The following SLC20A1 variants were observed in gnomAD, a reference collection of about 807,000 sequenced individuals.
SLC20A1 encodes the protein solute carrier family 20 member 1.
In SLC20A1, 28 loss-of-function variants were observed where a neutral mutation model predicts 62.7. The observed-to-expected ratio is 0.45, with a 90% confidence interval of 0.33 to 0.61. The LOEUF is 0.61. SLC20A1 is among the 20% of genes least tolerant of loss of function. The probability of loss-of-function intolerance (pLI) is 0.02; values close to 1 mark genes in which losing one functional copy is unlikely to be tolerated. For missense variants in SLC20A1, 673 were observed against 838.6 expected (o/e 0.80, Z 2.44); for synonymous variants, 305 against 302.9 (o/e 1.01, Z -0.07).
Position 112,646,936 on chromosome 2 carries a change from A to G in SLC20A1, c.108A>G (p.Ala36=). The change falls in exon 2 of 11, where the codon GCA becomes GCG. Residue 36 remains alanine (A), a synonymous_variant. Transcript: ENST00000272542. ...GCTTCATTATTGCATTTGTCTTGGC[A>G]TTCTCCGTGGGAGCCAATGATGTAG... ...ILGFIIAFVL[A]FSVGANDVAN... 6.2e-7 allele frequency: 1 copy of G among 1,613,388 alleles called. No homozygotes were observed. Among genetic ancestry groups the G allele is most frequent in the East Asian group, 2.2e-5 (1 of 44,858 alleles).
At chr2:112,657,409 A>G (rs3827758) in intron 6 of SLC20A1, among the ~76,000 whole-genome samples, 168 bp downstream of exon 6, 65,030 of 152,088 alleles carry the variant, frequency 0.43, 16,827 homozygotes, top group Non-Finnish European at 0.57. Flanking sequence ...ATGGACTTAC[A>G]TGACCTAAGA....
At chr2:112,658,612 C>G in intron 6 of SLC20A1, 2 of 489,784 alleles carry the variant, frequency 4.1e-6, no homozygotes, top group South Asian at 7.5e-5. Context: ...ATTTTGGGAC[C>G]CCTGACATAG....
At chr2:112,660,288 C>T in intron 8 of SLC20A1, 99 bp from the exon 9 acceptor site, 1 of 1,042,200 alleles carries the variant, frequency 9.6e-7, no homozygotes, top group East Asian at 2.4e-5. Context: ...AGCTTGAAAG[C>T]TGTACTTTAG....
Position 112,646,735 on chromosome 2 carries a change from T to C in SLC20A1, c.-94T>C. 1.7e-6 allele frequency: 1 copy of C among 594,682 alleles called. No individual in the cohort carries two copies. Among genetic ancestry groups the C allele is most frequent in the Non-Finnish European group, 2.7e-6 (1 of 371,358 alleles). 36.8% of individuals were successfully genotyped at this position (594,682 alleles called of 1,614,324 possible). The stretch of plus-strand genomic sequence containing the variant: ...GTATTTAATTTTATATAATATATAT[T>C]ATTTATTATAGCATTTTTGATACCT... On this transcript the variant is annotated 5_prime_UTR_variant, in exon 2 of 11. Coordinates refer to ENST00000272542, the MANE Select transcript of SLC20A1 (RefSeq NM_005415.5).
At chr2:112,654,032 T>G (rs1686518246) in intron 5 of SLC20A1, among the ~76,000 whole-genome samples, 1 of 152,156 alleles carries the variant, frequency 6.6e-6, no homozygotes, top group African/African-American at 2.4e-5. Flanking sequence ...CCTCAGGTGG[T>G]CCGCCTGCCT....
intron 10 of SLC20A1, 81 bp from the exon 11 acceptor site, chr2:112,662,783 T>TC (rs908315244): frequency 2.1e-6 from 3 of 1,449,810 alleles, no homozygotes; most frequent in Non-Finnish European, 2.8e-6. Context: ...GGGCTCCTTG[T>TC]CCAAACAGTC....
chr2:112,661,138 G>C lies in SLC20A1; in HGVS notation c.1794-4G>C. ...TCCTGACAAGAATCCTTTTGTGTCT[G>C]TAGTGGCTTCAGTATTGAACTGGCA... On this transcript the variant is annotated splice_region_variant and splice_polypyrimidine_tract_variant and intron_variant, in intron 9 of 10. Transcript: ENST00000272542. 1 of 1,612,926 alleles carries C rather than the reference G, an allele frequency of 6.2e-7. No homozygotes were observed. The highest frequency in any genetic ancestry group is 8.5e-7 in the Non-Finnish European group (1 of 1,178,958).
intron 6 of SLC20A1, among the ~76,000 whole-genome samples, chr2:112,657,729 A>G (rs1205225187): frequency 6.6e-6 from 1 of 152,260 alleles, no homozygotes. Flanking sequence ...ATAGGCTAGA[A>G]TACATGTAGA....
chr2:112,657,230 G>C lies in SLC20A1; in HGVS notation c.767G>C (p.Arg256Thr), dbSNP rs1418630397. ...TTCTTTGTATGTCCCAGGATGAAGA[G>C]AAAAATTGAACGTAAGTAATAACTA... is the stretch of plus-strand genomic sequence containing the variant. ...VWFFVCPRMKRKIEREIKCSP... is the reference protein window; with the variant it reads ...VWFFVCPRMKTKIEREIKCSP... The change falls in exon 6 of 11, where the codon AGA (arginine) becomes ACA (threonine). Residue 256 changes from arginine to threonine, a missense_variant. Transcript: ENST00000272542. 1 of 1,612,910 alleles carries C rather than the reference G, an allele frequency of 6.2e-7. No homozygotes were observed. Among genetic ancestry groups the C allele is most frequent in the Admixed American group, 1.7e-5 (1 of 59,790 alleles).
At chr2:112,662,469 A>G (rs1195184643) in intron 10 of SLC20A1, among the ~76,000 whole-genome samples, 7 of 8,196 alleles carry the variant, frequency 8.5e-4, no homozygotes, top group Non-Finnish European at 2.2e-3. Flanking sequence ...TAATCCCAGC[A>G]CTTGGGAGGC....
Position 112,663,083 on chromosome 2 carries a change from C to A in SLC20A1, c.*58C>A. ...TGGGACCATCTTAGGTATTCCTGCT[C>A]CCCTGAAGAATGATTACAGTGTTAA... On this transcript the variant is annotated 3_prime_UTR_variant, in exon 11 of 11. Coordinates refer to ENST00000272542, the MANE Select transcript of SLC20A1 (RefSeq NM_005415.5). 1 of 1,568,318 alleles carries A rather than the reference C, an allele frequency of 6.4e-7. No individual in the cohort carries two copies. The highest frequency in any genetic ancestry group is 1.1e-5 in the South Asian group (1 of 89,566).
At chr2:112,654,629 G>A (rs2104645836) in intron 5 of SLC20A1, among the ~76,000 whole-genome samples, 1 of 152,244 alleles carries the variant, frequency 6.6e-6, no homozygotes, top group Non-Finnish European at 1.5e-5. Flanking sequence ...GGGCGCGGTG[G>A]CTCATGCTTG....
At chr2:112,647,595 G>A in intron 3 of SLC20A1, 58 bp from the exon 4 acceptor site, 2 of 1,583,676 alleles carry the variant, frequency 1.3e-6, no homozygotes, top group Non-Finnish European at 1.7e-6. Context: ...CATTTAAAGT[G>A]GTTTTTGGTT....
At chr2:112,651,299 C>G (rs988406151) in intron 4 of SLC20A1, among the ~76,000 whole-genome samples, 2 of 152,118 alleles carry the variant, frequency 1.3e-5, no homozygotes, top group African/African-American at 4.8e-5. Flanking sequence ...TTTTCCTCCC[C>G]AAGATTTTCC....
At position 112,657,242 on chromosome 2, in the gene SLC20A1, G is replaced by A. The variant is rs757848416; in HGVS notation, c.778+1G>A. 1.2e-6 allele frequency: 2 copies of A among 1,612,452 alleles called. No homozygotes were observed. Among genetic ancestry groups the A allele is most frequent in the Non-Finnish European group, 1.7e-6 (2 of 1,179,470 alleles). ...CCCAGGATGAAGAGAAAAATTGAAC[G>A]TAAGTAATAACTAAACAGCAGAAAA... On this transcript the variant is annotated splice_donor_variant, in intron 6 of 10. Transcript: ENST00000272542. LOFTEE classifies it high-confidence loss of function.
intron 10 of SLC20A1, 73 bp downstream of exon 10, chr2:112,661,299 A>G: frequency 8.5e-7 from 1 of 1,175,208 alleles, no homozygotes; most frequent in Non-Finnish European, 1.3e-6. Context: ...TACTTCTCTG[A>G]TACTTTGATT....
At position 112,660,352 on chromosome 2, in the gene SLC20A1, T is replaced by A. The variant is rs775112422; in HGVS notation, c.1608-35T>A. ...GGTCTTGCCAAGATCTAGTTCTGCCTGAAAAGTCACTTCTGCCCTCTTTGT... is the reference window on the plus strand; with the variant it reads ...GGTCTTGCCAAGATCTAGTTCTGCCAGAAAAGTCACTTCTGCCCTCTTTGT... On this transcript the variant is annotated intron_variant, in intron 8 of 10. Transcript: ENST00000272542. 10 of 1,597,398 alleles carry A rather than the reference T, an allele frequency of 6.3e-6. No individual in the cohort carries two copies. In the Admixed American group the frequency reaches 1.7e-4, roughly 27 times the overall value.
intron 4 of SLC20A1, 32 bp downstream of exon 4, chr2:112,647,770 A>G (rs911407009): frequency 1.3e-6 from 2 of 1,521,690 alleles, no homozygotes; most frequent in South Asian, 1.1e-5. Flanking sequence ...AAGACCTTTC[A>G]TGGAGCACAC....
Position 112,657,192 on chromosome 2 carries a change from C to A in SLC20A1, c.729C>A (p.Ala243=), listed in dbSNP as rs759674262. The A allele has an allele frequency of 2.3e-5, 37 of 1,613,816 alleles. No homozygotes were observed. In the East Asian group the frequency reaches 8.2e-4, roughly 36 times the overall value. Residue 243 remains alanine (A), a synonymous_variant, in exon 6 of 11, where the codon GCC becomes GCA. Coordinates refer to ENST00000272542, the MANE Select transcript of SLC20A1 (RefSeq NM_005415.5). ...CGGTGGGATGTGCAGTTTTCTGTGC[C>A]CTTATCGTCTGGTTCTTTGTATGTC... ...LISVGCAVFC[A]LIVWFFVCPR...
Sources: allele counts gnomAD v4.1 joint callset (sites outside exome capture counted in the v4.1 genomes callset), GRCh38; gene constraint gnomAD v4.1.1; transcripts MANE v1.5; gene names NCBI Gene and HGNC (gene_info 2026-07-23, HGNC 2026-07-21).